The following BZW2 variants were observed in gnomAD, a reference collection of about 807,000 sequenced individuals.
BZW2 encodes eIF5-mimic protein 1.
BZW2 carries 23 observed loss-of-function variants against 53.2 expected under a neutral mutation model. That is an observed-to-expected ratio of 0.43 (90% CI 0.31 to 0.61). BZW2 has a LOEUF of 0.61. Among genes scored for constraint, BZW2 ranks in the 20% least tolerant of loss-of-function variants. The probability of loss-of-function intolerance (pLI) is 0.09; values close to 1 mark genes in which losing one functional copy is unlikely to be tolerated. For synonymous variants in BZW2, 227 were observed against 186.4 expected (o/e 1.22, Z -1.77); for missense variants, 409 against 503.1 (o/e 0.81, Z 1.79).
chr7:16,705,494 C>A (rs571768808), intron 11 of BZW2, among the ~76,000 whole-genome samples: 1 of 151,786 alleles, frequency 6.6e-6, no homozygotes, highest in Admixed American at 6.6e-5. Flanking sequence ...GACCATCTTG[C>A]CTAACACAGT....
chr7:16,674,468 A>G lies in BZW2; in HGVS notation c.115A>G (p.Asn39Asp). The change falls in exon 3 of 12, where the codon AAT (asparagine) becomes GAT (aspartate). Residue 39 changes from asparagine (N) to aspartate (D), a missense_variant. Transcript: ENST00000258761. ...CAGGGATACACTTGTCCAGGGGCTTAATGAGGCTGGTGATGACCTTGAAGC... is the reference window on the plus strand; with the variant it reads ...CAGGGATACACTTGTCCAGGGGCTTGATGAGGCTGGTGATGACCTTGAAGC... ...VFRDTLVQGL[N>D]EAGDDLEAVA... 1.2e-6 allele frequency: 2 copies of G among 1,613,210 alleles called. No homozygotes were observed. Among genetic ancestry groups the G allele is most frequent in the South Asian group, 1.1e-5 (1 of 90,962 alleles).
At chr7:16,672,780 G>T (rs1418497987) in intron 2 of BZW2, among the ~76,000 whole-genome samples, 1 of 152,002 alleles carries the variant, frequency 6.6e-6, no homozygotes, top group Non-Finnish European at 1.5e-5. Context: ...GCTCCAAGTC[G>T]ACCTTCCACA....
At chr7:16,682,174 G>C (rs1782966249) in intron 4 of BZW2, among the ~76,000 whole-genome samples, 2 of 152,210 alleles carry the variant, frequency 1.3e-5, no homozygotes, top group East Asian at 3.9e-4. Context: ...ACTAGATTAA[G>C]AAATCATTTC....
At chr7:16,706,000 C>T (rs1783843300) in intron 11 of BZW2, 60 bp from the exon 12 acceptor site, 2 of 1,601,340 alleles carry the variant, frequency 1.2e-6, no homozygotes, top group Admixed American at 3.3e-5. Context: ...ACTGTAGTAA[C>T]TTTTGACCTT....
intron 9 of BZW2, 127 bp downstream of exon 9, chr7:16,697,188 C>G: frequency 9.1e-7 from 1 of 1,104,670 alleles, no homozygotes. Context: ...CTCCTGGGCT[C>G]AAGCCACCCT....
At chr7:16,664,324 A>T (rs1337041244) in intron 1 of BZW2, among the ~76,000 whole-genome samples, 1 of 152,260 alleles carries the variant, frequency 6.6e-6, no homozygotes, top group Non-Finnish European at 1.5e-5. Flanking sequence ...GCACTGCTAA[A>T]GAAAAACAAA....
At chr7:16,677,123 A>T (rs548418186) in intron 3 of BZW2, among the ~76,000 whole-genome samples, 1 of 143,304 alleles carries the variant, frequency 7.0e-6, no homozygotes, top group East Asian at 2.1e-4. Context: ...AAGGGAGGGG[A>T]CCCAAAGAGG....
intron 1 of BZW2, 53 bp from the exon 2 acceptor site, chr7:16,665,384 T>C (rs1433043214): frequency 7.5e-6 from 12 of 1,608,220 alleles, no homozygotes; most frequent in Middle Eastern, 1.7e-4. Context: ...CCATATGTTT[T>C]CCATATAAAC....
intron 4 of BZW2, 55 bp downstream of exon 4, chr7:16,681,459 A>G (rs1315740932): frequency 2.8e-6 from 4 of 1,436,512 alleles, no homozygotes; most frequent in Non-Finnish European, 3.9e-6. Flanking sequence ...AAAACTCTAT[A>G]GAAGCTCTAC....
chr7:16,678,969 G>A (rs1782854820), intron 3 of BZW2, among the ~76,000 whole-genome samples: 1 of 152,144 alleles, frequency 6.6e-6, no homozygotes, highest in African/African-American at 2.4e-5. Context: ...GATGGGGGCA[G>A]AGCAAGATCA....
chr7:16,661,120 A>T (rs934067037), intron 1 of BZW2: 1 of 152,156 alleles, frequency 6.6e-6, no homozygotes, highest in African/African-American at 2.4e-5. Flanking sequence ...TGTTAGTAAT[A>T]TAGCATGTTA....
chr7:16,678,272 G>A (rs573410221), intron 3 of BZW2, among the ~76,000 whole-genome samples: 2 of 151,832 alleles, frequency 1.3e-5, no homozygotes, highest in South Asian at 2.1e-4. Flanking sequence ...GGCTAGGCTG[G>A]TCTCGAACTC....
intron 1 of BZW2, among the ~76,000 whole-genome samples, chr7:16,652,089 G>A (rs746409983): frequency 3.9e-5 from 6 of 152,126 alleles, no homozygotes; most frequent in Non-Finnish European, 7.3e-5. Context: ...GGATCGTTCT[G>A]CTTTGATCTC....
At chr7:16,656,173 C>G (rs1222886697) in intron 1 of BZW2, among the ~76,000 whole-genome samples, 2 of 142,618 alleles carry the variant, frequency 1.4e-5, no homozygotes, top group South Asian at 4.2e-4. Flanking sequence ...TTTCCCAGTA[C>G]AGCATTCAGT....
At chr7:16,673,557 T>C (rs992856764) in intron 2 of BZW2, among the ~76,000 whole-genome samples, 1 of 152,126 alleles carries the variant, frequency 6.6e-6, no homozygotes, top group African/African-American at 2.4e-5. Flanking sequence ...TACTATAAAA[T>C]GTTTTGTTTT....
chr7:16,662,760 T>A (rs1467925358), intron 1 of BZW2, among the ~76,000 whole-genome samples: 2 of 148,868 alleles, frequency 1.3e-5, no homozygotes, highest in Non-Finnish European at 1.5e-5. Flanking sequence ...TCTAAGGAGG[T>A]AGAGAGAGAG....
At chr7:16,656,594 CACAA>C (rs1344457553) in intron 1 of BZW2, among the ~76,000 whole-genome samples, 9 of 148,112 alleles carry the variant, frequency 6.1e-5, no homozygotes, top group Non-Finnish European at 9.0e-5. Flanking sequence ...CACACACACA[CACAA>C]GTAGGTTTAG....
intron 3 of BZW2, among the ~76,000 whole-genome samples, chr7:16,678,394 G>A (rs915824787): frequency 3.3e-5 from 5 of 151,860 alleles, no homozygotes; most frequent in East Asian, 1.9e-4. Flanking sequence ...ATTACCCTTC[G>A]TATAGTAAAT....
intron 11 of BZW2, 21 bp downstream of exon 11, chr7:16,704,690 A>G (rs746096885): frequency 9.7e-6 from 15 of 1,550,950 alleles, no homozygotes; most frequent in Non-Finnish European, 1.2e-5. Flanking sequence ...GTTTACAAAC[A>G]TTGATGACCT....
Sources: allele counts gnomAD v4.1 joint callset (sites outside exome capture counted in the v4.1 genomes callset), GRCh38; gene constraint gnomAD v4.1.1; transcripts MANE v1.5; gene names NCBI Gene and HGNC (gene_info 2026-07-23, HGNC 2026-07-21).